The following CACNA1C variants were observed in gnomAD, a reference collection of about 807,000 sequenced individuals.
The protein encoded by CACNA1C is calcium voltage-gated channel subunit alpha1 C.
CACNA1C carries 30 observed loss-of-function variants against 229.0 expected under a neutral mutation model. The ratio of observed to expected loss-of-function variants is 0.13; its 90% CI spans 0.10 to 0.18. The LOEUF is 0.18. CACNA1C is among the 10% of genes least tolerant of loss of function. The pLI is 1.00. For synonymous variants in CACNA1C, 1,114 were observed against 1,132.5 expected, an observed-to-expected ratio of 0.98 and a Z score of 0.33; for missense variants, 1,658 against 2,845.0, an observed-to-expected ratio of 0.58 and a Z score of 9.49.
At chr12:2,234,167 G>A (rs1566573717) in intron 3 of CACNA1C, among the ~76,000 whole-genome samples, 1 of 152,194 alleles carries the variant, frequency 6.6e-6, no homozygotes, top group Non-Finnish European at 1.5e-5. Flanking sequence ...TCAGTTAGCT[G>A]GAAGTGTCCC....
At chr12:2,245,655 C>T (rs903216635) in intron 3 of CACNA1C, among the ~76,000 whole-genome samples, 12 of 152,146 alleles carry the variant, frequency 7.9e-5, no homozygotes, top group African/African-American at 2.9e-4. Context: ...CTGAAATCCC[C>T]AAGTCTCTGA....
At chr12:2,610,791 A>C (rs965859213) in intron 28 of CACNA1C, 92 bp downstream of exon 28, 1 of 1,297,342 alleles carries the variant, frequency 7.7e-7, no homozygotes, top group Non-Finnish European at 1.1e-6. Context: ...AGCTCAGTGC[A>C]TCGCTTTCCT....
chr12:2,267,940 C>T (rs1203951447), intron 3 of CACNA1C, among the ~76,000 whole-genome samples: 1 of 152,184 alleles, frequency 6.6e-6, no homozygotes, highest in Non-Finnish European at 1.5e-5. Flanking sequence ...TGTTCAGGAT[C>T]GATTGCACAT....
intron 3 of CACNA1C, among the ~76,000 whole-genome samples, chr12:2,265,732 G>A (rs991865628): frequency 1.3e-5 from 2 of 152,190 alleles, no homozygotes; most frequent in Non-Finnish European, 2.9e-5. Context: ...AGACGCGGGG[G>A]CTCCAGTGTG....
At chr12:2,044,480 C>G (rs566948660) in intron 1 of CACNA1C, among the ~76,000 whole-genome samples, 7 of 152,282 alleles carry the variant, frequency 4.6e-5, no homozygotes, top group Middle Eastern at 3.4e-3. Context: ...TGTAACTTCC[C>G]CGCCCCCAGG....
chr12:2,430,850 C>G (rs1035053665), intron 3 of CACNA1C, among the ~76,000 whole-genome samples: 1 of 152,116 alleles, frequency 6.6e-6, no homozygotes, highest in Non-Finnish European at 1.5e-5. Context: ...CATTGAGCAC[C>G]CTGGCCTCAC....
At chr12:2,031,531 GTTTC>G (rs1440773473) in intron 1 of CACNA1C, among the ~76,000 whole-genome samples, 1 of 152,170 alleles carries the variant, frequency 6.6e-6, no homozygotes, top group African/African-American at 2.4e-5. Context: ...TGGATAATGA[GTTTC>G]TTTTTTATTT....
At chr12:2,668,773 T>A in intron 37 of CACNA1C, 160 bp from the exon 38 acceptor site, 1 of 618,052 alleles carries the variant, frequency 1.6e-6, no homozygotes, top group Non-Finnish European at 2.9e-6. Flanking sequence ...CATGATGCAA[T>A]CACCTTCCAT....
chr12:2,035,385 A>C (rs962167823), intron 1 of CACNA1C, among the ~76,000 whole-genome samples: 1 of 152,230 alleles, frequency 6.6e-6, no homozygotes, highest in Admixed American at 6.5e-5. Context: ...TTCTGTCTGC[A>C]AGAGGGGCAG....
chr12:2,649,665 G>A lies in CACNA1C; in HGVS notation c.3945+1158G>A, dbSNP rs2094724961. ...ATGGAATTCACGCTGCAAGCTTGGT[G>A]TTTGGCGTTTTTTGGGTTTTTTTGT... On this transcript the variant is annotated intron_variant, in intron 31 of 46. Coordinates refer to ENST00000399655, the MANE Select transcript of CACNA1C (RefSeq NM_000719.7). This position sits in a 1 kb window ranked among gnomAD's most constrained non-coding sequence, Gnocchi z 4.4. Among the ~76,000 whole-genome samples, 1 of 151,130 alleles carries A rather than the reference G, an allele frequency of 6.6e-6. No homozygotes were observed. Among genetic ancestry groups the A allele is most frequent in the South Asian group, 2.1e-4 (1 of 4,734 alleles).
intron 3 of CACNA1C, among the ~76,000 whole-genome samples, chr12:2,259,435 A>G (rs2079199661): frequency 6.6e-6 from 1 of 152,242 alleles, no homozygotes; most frequent in African/African-American, 2.4e-5. Context: ...TAATGTCTTT[A>G]TCAAAAAAAG....
intron 6 of CACNA1C, among the ~76,000 whole-genome samples, chr12:2,487,878 T>C (rs887019295): frequency 1.3e-5 from 2 of 152,198 alleles, no homozygotes; most frequent in Non-Finnish European, 2.9e-5. Context: ...TTATATGAAT[T>C]GTGTGGCCCT....
At chr12:2,583,030 GC>G in intron 15 of CACNA1C, 88 bp downstream of exon 15, 1 of 978,240 alleles carries the variant, frequency 1.0e-6, no homozygotes, top group Non-Finnish European at 1.6e-6. Context: ...TCAGGTCCGG[GC>G]GGTCCTGCTC....
At chr12:2,583,703 C>T (rs757021875) in intron 15 of CACNA1C, among the ~76,000 whole-genome samples, 12 of 152,206 alleles carry the variant, frequency 7.9e-5, no homozygotes, top group Non-Finnish European at 1.3e-4. Flanking sequence ...TAAAATGTGG[C>T]AATGGAATCA....
rs919613191 is a variant in CACNA1C, at chr12:2,512,486, G to A, written c.1218-326G>A. Among the ~76,000 whole-genome samples, 9 of 152,044 alleles carry A rather than the reference G, an allele frequency of 5.9e-5. No individual in the cohort carries two copies. Among genetic ancestry groups the A allele is most frequent in the South Asian group, 4.2e-4 (2 of 4,812 alleles). On this transcript the variant is annotated intron_variant, in intron 8 of 46. Transcript: ENST00000399655. The surrounding 1 kb of genome is among the most constrained non-coding windows in gnomAD (Gnocchi z 4.3). Reference sequence around the variant, plus strand: ...GCTTGGAACGAGTTCCCAGGTCTTCGGAGAACAGTTATTAAAAAGCAAAGC... The same window carrying A: ...GCTTGGAACGAGTTCCCAGGTCTTCAGAGAACAGTTATTAAAAAGCAAAGC...
At chr12:2,626,956 A>C (rs570446160) in intron 29 of CACNA1C, among the ~76,000 whole-genome samples, 1 of 152,350 alleles carries the variant, frequency 6.6e-6, no homozygotes, top group East Asian at 1.9e-4. Flanking sequence ...GGGGAGGATA[A>C]GCCTTAATTC....
rs117466931 is a variant in CACNA1C at position 2,095,485 on chromosome 12, A to G, written c.50-19739A>G. On this transcript the variant is annotated intron_variant, in intron 1 of 46. Transcript: ENST00000399655. ...TCTGCTTTCGGGTTCTTAAAGATGG[A>G]CTTCTCCTGACCTCCCCTTCTTCTC... Among the ~76,000 whole-genome samples the G allele has an allele frequency of 3.8e-4, 58 of 152,322 alleles. No individual in the cohort carries two copies. In the East Asian group the frequency reaches 8.9e-3, roughly 23 times the overall value.
At chr12:2,308,882 A>C (rs2095258039) in intron 3 of CACNA1C, among the ~76,000 whole-genome samples, 1 of 152,200 alleles carries the variant, frequency 6.6e-6, no homozygotes, top group Non-Finnish European at 1.5e-5. Context: ...TGCAGGGTAC[A>C]CTGCCAGTGG....
intron 11 of CACNA1C, among the ~76,000 whole-genome samples, chr12:2,564,109 G>A (rs572869103): frequency 7.7e-4 from 118 of 152,258 alleles, no homozygotes; most frequent in African/African-American, 2.7e-3. Context: ...GTGGAGGGCC[G>A]GTTTTCACAT....
Sources: allele counts gnomAD v4.1 joint callset (sites outside exome capture counted in the v4.1 genomes callset), GRCh38; gene constraint gnomAD v4.1.1; non-coding constraint Gnocchi (gnomAD v3.1); transcripts MANE v1.5; gene names NCBI Gene and HGNC (gene_info 2026-07-23, HGNC 2026-07-21).